NFATC3: variants seen among roughly 807,000 people sequenced by gnomAD.
NFATC3 encodes nuclear factor of activated T-cells, cytoplasmic 3.
NFATC3 carries 46 observed loss-of-function variants against 98.6 expected under a neutral mutation model. The observed-to-expected ratio is 0.47, with a 90% CI of 0.37 to 0.60. The LOEUF (loss-of-function observed/expected upper bound fraction) is 0.60, where lower values mean the gene tolerates loss of function less well. Among genes scored for constraint, NFATC3 ranks in the 20% least tolerant of loss-of-function variants. The pLI is 0.00. For missense variants in NFATC3, 1,256 were observed against 1,295.5 expected (o/e 0.97, Z 0.47); for synonymous variants, 512 against 472.2 (o/e 1.08, Z -1.09).
At chr16:68,157,804 G>C (rs1598465294) in intron 3 of NFATC3, 65 bp from the exon 4 acceptor site, 2 of 1,280,990 alleles carry the variant, frequency 1.6e-6, no homozygotes, top group East Asian at 4.8e-5. Context: ...ACTTACTATT[G>C]TTGGCATATT....
At chr16:68,142,822 C>T (rs896463914) in intron 3 of NFATC3, among the ~76,000 whole-genome samples, 4 of 151,870 alleles carry the variant, frequency 2.6e-5, no homozygotes, top group South Asian at 4.1e-4. Context: ...GGTATATGAT[C>T]GTATCTTTGG....
At chr16:68,090,075 G>T (rs1222328694) in intron 1 of NFATC3, among the ~76,000 whole-genome samples, 2 of 152,014 alleles carry the variant, frequency 1.3e-5, no homozygotes, top group African/African-American at 2.4e-5. Flanking sequence ...AATTGTCTTA[G>T]AATTTAATCT....
At chr16:68,164,766 G>T (rs1451706583) in intron 4 of NFATC3, among the ~76,000 whole-genome samples, 1 of 152,014 alleles carries the variant, frequency 6.6e-6, no homozygotes, top group African/African-American at 2.4e-5. Context: ...TGTAATCCCA[G>T]CTACTTGGGA....
chr16:68,092,014 G>T (rs1859311), intron 1 of NFATC3, among the ~76,000 whole-genome samples: 2,758 of 152,284 alleles, frequency 0.018, 70 homozygotes, highest in African/African-American at 0.062. Flanking sequence ...ATTTTGGCAT[G>T]TCTAGTAATG....
intron 1 of NFATC3, among the ~76,000 whole-genome samples, chr16:68,117,159 G>A (rs573663912): frequency 1.3e-5 from 2 of 152,170 alleles, no homozygotes; most frequent in African/African-American, 2.4e-5. Flanking sequence ...CTTTTATGCT[G>A]TATATTTTGA....
At chr16:68,183,205 T>C in intron 7 of NFATC3, 35 bp from the exon 8 acceptor site, 1 of 1,542,834 alleles carries the variant, frequency 6.5e-7, no homozygotes, top group Non-Finnish European at 8.7e-7. Context: ...CATTTTTAGT[T>C]CTGAGTGTAA....
At chr16:68,114,794 C>T (rs1461279284) in intron 1 of NFATC3, among the ~76,000 whole-genome samples, 1 of 152,016 alleles carries the variant, frequency 6.6e-6, no homozygotes, top group Admixed American at 6.5e-5. Context: ...AGGATAGTCT[C>T]GAACTCCTGA....
chr16:68,133,779 G>A (rs2037240663), intron 3 of NFATC3, among the ~76,000 whole-genome samples: 1 of 151,318 alleles, frequency 6.6e-6, no homozygotes, highest in East Asian at 1.9e-4. Context: ...TGTTATTCTA[G>A]TGTATGAATT....
At chr16:68,172,480 G>C (rs1208928385) in intron 5 of NFATC3, among the ~76,000 whole-genome samples, 1 of 152,142 alleles carries the variant, frequency 6.6e-6, no homozygotes, top group East Asian at 1.9e-4. Flanking sequence ...AACCATTAGA[G>C]GTCAGGTATG....
intron 9 of NFATC3, among the ~76,000 whole-genome samples, chr16:68,216,386 A>C (rs1448926695): frequency 6.6e-6 from 1 of 152,182 alleles, no homozygotes; most frequent in Non-Finnish European, 1.5e-5. Context: ...ACATGCTGAT[A>C]CTTGAATATA....
At chr16:68,160,682 T>G (rs1317964008) in intron 4 of NFATC3, among the ~76,000 whole-genome samples, 1 of 150,050 alleles carries the variant, frequency 6.7e-6, no homozygotes, top group African/African-American at 2.5e-5. Flanking sequence ...GCTGATAATC[T>G]CTACTCTTAA....
At chr16:68,168,685 C>A (rs531498519) in intron 5 of NFATC3, among the ~76,000 whole-genome samples, 1 of 151,402 alleles carries the variant, frequency 6.6e-6, no homozygotes, top group Non-Finnish European at 1.5e-5. Context: ...GGGGTTTCAC[C>A]ATATTCACCA....
chr16:68,192,247 A>G lies in NFATC3; in HGVS notation c.3106+472A>G, dbSNP rs557577706. On this transcript the variant is annotated intron_variant, in intron 9 of 9. Coordinates refer to ENST00000346183, the MANE Select transcript of NFATC3 (RefSeq NM_173165.3). Reference sequence around the variant, plus strand: ...AAAAAAAAAATATATATATATATATATATATATGTATGTGTATATATATAT... The same window carrying G: ...AAAAAAAAAATATATATATATATATGTATATATGTATGTGTATATATATAT... The G allele has an allele frequency of 2.1e-3, 230 of 111,608 alleles. 10 individuals carry two copies. Among genetic ancestry groups the G allele is most frequent in the African/African-American group, 6.6e-3 (216 of 32,708 alleles). The allele number at this position is 111,608 out of a possible 1,614,324, so 6.9% of individuals were successfully genotyped here.
chr16:68,208,241 TAGTC>T (rs942691097), intron 9 of NFATC3, among the ~76,000 whole-genome samples: 5 of 151,864 alleles, frequency 3.3e-5, no homozygotes, highest in Admixed American at 6.6e-5. Flanking sequence ...TTCTCCATAT[TAGTC>T]AGGCTGGTCT....
chr16:68,144,233 G>A (rs1259483184), intron 3 of NFATC3, among the ~76,000 whole-genome samples: 1 of 152,080 alleles, frequency 6.6e-6, no homozygotes, highest in Non-Finnish European at 1.5e-5. Flanking sequence ...ACCACATTGA[G>A]TTATCATTAC....
At chr16:68,098,595 C>T (rs1374385545) in intron 1 of NFATC3, among the ~76,000 whole-genome samples, 1 of 152,048 alleles carries the variant, frequency 6.6e-6, no homozygotes, top group African/African-American at 2.4e-5. Context: ...CCACTGTGCC[C>T]AGCACATTTA....
intron 1 of NFATC3, among the ~76,000 whole-genome samples, chr16:68,097,084 C>T (rs567600029): frequency 6.6e-6 from 1 of 152,190 alleles, no homozygotes; most frequent in South Asian, 2.1e-4. Context: ...GGAAAGAAAT[C>T]AATAGGACCT....
chr16:68,196,370 C>T (rs1217088153), intron 9 of NFATC3, among the ~76,000 whole-genome samples: 2 of 152,138 alleles, frequency 1.3e-5, no homozygotes, highest in Non-Finnish European at 1.5e-5. Flanking sequence ...ATCTGCCTGC[C>T]TCAGCCTCCC....
At chr16:68,188,241 G>C (rs1391233909) in intron 8 of NFATC3, among the ~76,000 whole-genome samples, 2 of 152,158 alleles carry the variant, frequency 1.3e-5, no homozygotes, top group African/African-American at 4.8e-5. Flanking sequence ...GGGCTTCCTG[G>C]GTCTCTCTTC....
Sources: allele counts gnomAD v4.1 joint callset (sites outside exome capture counted in the v4.1 genomes callset), GRCh38; gene constraint gnomAD v4.1.1; transcripts MANE v1.5; gene names NCBI Gene and HGNC (gene_info 2026-07-23, HGNC 2026-07-21).